The following BAHCC1 variants were observed in gnomAD, a reference collection of about 807,000 sequenced individuals.
BAHCC1 encodes the protein BAH domain and coiled-coil containing 1.
In BAHCC1, 43 loss-of-function variants were observed where a neutral mutation model predicts 88.2. The observed-to-expected ratio is 0.49, with a 90% CI of 0.38 to 0.63. The LOEUF (loss-of-function observed/expected upper bound fraction) is 0.63. Ranked by LOEUF, BAHCC1 falls within the 20% of genes least tolerant of loss-of-function variation. BAHCC1 has a pLI of 0.00. For synonymous variants in BAHCC1, 1,510 were observed against 745.5 expected, an observed-to-expected ratio of 2.03 and a Z score of -16.71; for missense variants, 3,023 against 1,654.8, an observed-to-expected ratio of 1.83 and a Z score of -14.34.
intron 4 of BAHCC1, among the ~76,000 whole-genome samples, chr17:81,440,160 G>A (rs1197802502): frequency 6.6e-6 from 1 of 152,166 alleles, no homozygotes; most frequent in African/African-American, 2.4e-5. Context: ...CTGCCCAGAG[G>A]ACAGCCCCGC....
chr17:81,411,661 C>T lies in BAHCC1; in HGVS notation c.178+11744C>T. The stretch of plus-strand genomic sequence containing the variant: ...GTGGGGTGGTCAGGTTTGGGGCATT[C>T]CAGACCTGAGGCCCTCCAGGCAGCT... On this transcript the variant is annotated intron_variant, in intron 2 of 27. Coordinates refer to ENST00000675386, the MANE Select transcript of BAHCC1 (RefSeq NM_001377448.1). The surrounding 1 kb of genome is among the most constrained non-coding windows in gnomAD (Gnocchi z 6.2). 2.8e-6 allele frequency: 1 copy of T among 354,878 alleles called. No homozygotes were observed. 22.0% of individuals were successfully genotyped at this position (354,878 alleles called of 1,614,324 possible). A position where few individuals can be genotyped will look rare whatever the true frequency, so the allele number is the denominator to read the frequency against.
intron 2 of BAHCC1, among the ~76,000 whole-genome samples, chr17:81,412,558 G>A (rs2063967529): frequency 2.0e-5 from 3 of 152,196 alleles, no homozygotes; most frequent in Admixed American, 2.0e-4. Flanking sequence ...GTCGGCCAGG[G>A]CAGGGAGCAG....
At position 81,460,669 on chromosome 17, in the gene BAHCC1, G is replaced by A; in HGVS notation, c.6165G>A (p.Lys2055=). 1 of 773,124 alleles carries A rather than the reference G, an allele frequency of 1.3e-6. No individual in the cohort carries two copies. Among genetic ancestry groups the A allele is most frequent in the Non-Finnish European group, 2.4e-6 (1 of 414,770 alleles). 47.9% of individuals were successfully genotyped at this position (773,124 alleles called of 1,614,324 possible). A position where few individuals can be genotyped will look rare whatever the true frequency, so the allele number is the denominator to read the frequency against. The change falls in exon 25 of 28, where the codon AAG becomes AAA. Residue 2055 remains lysine (K), a synonymous_variant. Coordinates refer to ENST00000675386, the MANE Select transcript of BAHCC1 (RefSeq NM_001377448.1). ...PKAQDGPEAL[K]TPGKKSISKD... ...CACAGGACGGCCCCGAAGCTTTGAA[G>A]ACACCTGGGAAAAAATCCATTAGCA...
At chr17:81,409,810 G>T (rs1271231128) in intron 2 of BAHCC1, among the ~76,000 whole-genome samples, 1 of 152,216 alleles carries the variant, frequency 6.6e-6, no homozygotes, top group African/African-American at 2.4e-5. Flanking sequence ...GGCTGTGCCA[G>T]CGAGGGGGAG....
In BAHCC1 at chr17:81,443,029, T is replaced by C. The variant is rs1441464461; in HGVS notation, c.1680T>C (p.Ile560=). ...CCGCCGAGGTGGAGCAGGGGGGCAT[T>C]GGGGCTGAGGCCAAGCGCAAGTCCC... ...LMAAEVEQGG[I]GAEAKRKSLE... is the part of the protein sequence containing the mutation. The change falls in exon 5 of 28, where the codon ATT becomes ATC. Residue 560 remains isoleucine (I), a synonymous_variant. Transcript: ENST00000675386. The C allele has an allele frequency of 3.9e-6, 3 of 778,262 alleles. No homozygotes were observed. Among genetic ancestry groups the C allele is most frequent in the Non-Finnish European group, 7.2e-6 (3 of 417,708 alleles). 48.2% of individuals were successfully genotyped at this position (778,262 alleles called of 1,614,324 possible).
At chr17:81,419,678 C>A (rs1425003345) in intron 2 of BAHCC1, among the ~76,000 whole-genome samples, 1 of 151,324 alleles carries the variant, frequency 6.6e-6, no homozygotes, top group African/African-American at 2.4e-5. Context: ...GACTCGGAGC[C>A]GGGGAGGCCC....
At position 81,458,157 on chromosome 17, in the gene BAHCC1, TC is replaced by T. The variant is rs1555657862; in HGVS notation, c.5042-5del. 3 of 716,994 alleles carry T rather than the reference TC, an allele frequency of 4.2e-6. No individual in the cohort carries two copies. In the South Asian group the frequency reaches 4.4e-5, roughly 11 times the overall value. 44.4% of individuals were successfully genotyped at this position (716,994 alleles called of 1,614,324 possible). ...GACCCCTGTGACGGCCTCCTCTCCT[TC>T]CCACAGGGGCCTGCCGCCTGTCCAG... On this transcript the variant is annotated splice_polypyrimidine_tract_variant and splice_region_variant and intron_variant, in intron 17 of 27. Transcript: ENST00000675386.
chr17:81,434,031 CAAG>C lies in BAHCC1; in HGVS notation c.359-4337_359-4335del, dbSNP rs1266178699. Among the ~76,000 whole-genome samples, 1 of 152,108 alleles carries C rather than the reference CAAG, an allele frequency of 6.6e-6. No homozygotes were observed. Among genetic ancestry groups the C allele is most frequent in the East Asian group, 1.9e-4 (1 of 5,186 alleles). ...GTGACAGGGACGATGTGCAGAACCT[CAAG>C]AGGAGCAGGGACCACTTGCCAGGCC... On this transcript the variant is annotated intron_variant, in intron 3 of 27. Coordinates refer to ENST00000675386, the MANE Select transcript of BAHCC1 (RefSeq NM_001377448.1). This position sits in a 1 kb window ranked among gnomAD's most constrained non-coding sequence, Gnocchi z 4.9.
chr17:81,416,253 C>T (rs374601730), intron 2 of BAHCC1, among the ~76,000 whole-genome samples: 17 of 59,170 alleles, frequency 2.9e-4, no homozygotes, highest in South Asian at 6.6e-4. Context: ...CGTGTGTGTA[C>T]GTGTGTGTGT....
rs1457363666 is a variant in BAHCC1, at chr17:81,443,309, G to A, written c.1960G>A (p.Gly654Ser). The change falls in exon 5 of 28, where the codon GGC becomes AGC. Residue 654 changes from glycine to serine, a missense_variant. Physicochemically the swap from Gly to Ser is moderately conservative, Grantham distance 56. Transcript: ENST00000675386. ...LVVGQKAPLVGLGGLKASCIQ... is the reference protein window; with the variant it reads ...LVVGQKAPLVSLGGLKASCIQ... ...GGTGGGCCAGAAAGCACCCTTGGTGGGCCTGGGTGGCCTCAAGGCCAGCTG... is the reference window on the plus strand; with the variant it reads ...GGTGGGCCAGAAAGCACCCTTGGTGAGCCTGGGTGGCCTCAAGGCCAGCTG... 1 of 779,162 alleles carries A rather than the reference G, an allele frequency of 1.3e-6. No individual in the cohort carries two copies. The highest frequency in any genetic ancestry group is 2.4e-6 in the Non-Finnish European group (1 of 417,850). The allele number at this position is 779,162 out of a possible 1,614,324, so 48.3% of individuals were successfully genotyped here.
At chr17:81,421,657 C>T (rs1363766596) in intron 2 of BAHCC1, among the ~76,000 whole-genome samples, 4 of 152,224 alleles carry the variant, frequency 2.6e-5, no homozygotes, top group African/African-American at 7.2e-5. Context: ...AGCCCCCAGC[C>T]GTGTGCAGGG....
chr17:81,406,884 T>C, intron 2 of BAHCC1: 1 of 456,292 alleles, frequency 2.2e-6, no homozygotes, highest in South Asian at 1.5e-5. Context: ...CCAGCCGGGC[T>C]GGCATGCTGC....
intron 5 of BAHCC1, 112 bp from the exon 6 acceptor site, chr17:81,443,697 T>A (rs1555653408): frequency 3.1e-6 from 2 of 650,558 alleles, no homozygotes; most frequent in African/African-American, 3.6e-5. Context: ...GACCAGGGGA[T>A]CCTCCTCAGT....
At chr17:81,463,092 C>T (rs2030442959) in intron 27 of BAHCC1, 116 bp downstream of exon 27, 2 of 637,650 alleles carry the variant, frequency 3.1e-6, no homozygotes, top group South Asian at 3.6e-5. Flanking sequence ...ACAGCCCCCG[C>T]TCAGCAGGTA....
intron 1 of BAHCC1, among the ~76,000 whole-genome samples, chr17:81,397,527 C>T (rs1379716490): frequency 1.3e-5 from 2 of 152,148 alleles, no homozygotes; most frequent in East Asian, 3.9e-4. Context: ...TTTGAAGCTG[C>T]AGGTTTCTGA....
chr17:81,452,996 T>G, intron 14 of BAHCC1, 145 bp downstream of exon 14: 1 of 564,264 alleles, frequency 1.8e-6, no homozygotes, highest in East Asian at 3.4e-5. Context: ...CTGCCCTTCC[T>G]AGACCATCGA....
intron 2 of BAHCC1, among the ~76,000 whole-genome samples, chr17:81,408,684 C>T (rs1233586205): frequency 6.6e-6 from 1 of 152,206 alleles, no homozygotes; most frequent in Non-Finnish European, 1.5e-5. Context: ...TGGCCTGCAG[C>T]CCTTCTTGTC....
At position 81,447,406 on chromosome 17, in the gene BAHCC1, G is replaced by C. The variant is rs1555654816; in HGVS notation, c.3534G>C (p.Gln1178His). The change falls in exon 11 of 28, where the codon CAG (glutamine) becomes CAC (histidine). Residue 1178 changes from glutamine to histidine, a missense_variant. Gln to His is a conservative substitution (Grantham distance 24). Transcript: ENST00000675386. ...PEATGQAHSTQGGAREERSRE... is the reference protein window; with the variant it reads ...PEATGQAHSTHGGAREERSRE... The stretch of plus-strand genomic sequence containing the variant: ...CCACCGGCCAGGCTCATTCTACTCA[G>C]GGAGGGGCACGAGAAGAGAGGAGCA... 2 of 744,612 alleles carry C rather than the reference G, an allele frequency of 2.7e-6. No homozygotes were observed. The highest frequency in any genetic ancestry group is 3.4e-5 in the African/African-American group (2 of 58,582). The allele number at this position is 744,612 out of a possible 1,614,324, so 46.1% of individuals were successfully genotyped here.
chr17:81,423,395 G>A (rs2064138452), intron 2 of BAHCC1, among the ~76,000 whole-genome samples: 1 of 152,154 alleles, frequency 6.6e-6, no homozygotes, highest in Non-Finnish European at 1.5e-5. Flanking sequence ...CTCATGTCTG[G>A]GAAGTTCCCA....
Sources: allele counts gnomAD v4.1 joint callset (sites outside exome capture counted in the v4.1 genomes callset), GRCh38; gene constraint gnomAD v4.1.1; non-coding constraint Gnocchi (gnomAD v3.1); transcripts MANE v1.5; gene names NCBI Gene and HGNC (gene_info 2026-07-23, HGNC 2026-07-21).